Variants in SDK1 observed in about 807,000 individuals in gnomAD.
The protein encoded by SDK1 is protein sidekick-1.
Under a neutral mutation model 245.5 loss-of-function variants are expected in SDK1, and 157 were observed. The observed-to-expected ratio is 0.64, with a 90% CI of 0.56 to 0.73. The LOEUF (loss-of-function observed/expected upper bound fraction) is 0.73, where lower values mean the gene tolerates loss of function less well. SDK1 is among the 30% of genes least tolerant of loss of function. The pLI is 0.00. For synonymous variants in SDK1, 1,647 were observed against 1,278.5 expected (o/e 1.29, Z -6.15); for missense variants, 3,583 against 3,002.3 (o/e 1.19, Z -4.52).
intron 1 of SDK1, among the ~76,000 whole-genome samples, chr7:3,326,548 AG>A (rs1182073813): frequency 6.6e-6 from 1 of 152,108 alleles, no homozygotes; most frequent in Non-Finnish European, 1.5e-5. Flanking sequence ...TGGCTCATAC[AG>A]TATGTCTTGT....
chr7:4,256,486 G>A (rs888372497), intron 44 of SDK1, among the ~76,000 whole-genome samples: 70 of 152,218 alleles, frequency 4.6e-4, no homozygotes, highest in Admixed American at 4.4e-3. Context: ...AAAGCAGACC[G>A]AGGGTTGCTC....
intron 1 of SDK1, among the ~76,000 whole-genome samples, chr7:3,580,144 G>C (rs1409515328): frequency 6.6e-6 from 1 of 152,166 alleles, no homozygotes; most frequent in Non-Finnish European, 1.5e-5. Context: ...AATCAGAGAT[G>C]ACACAAACAA....
intron 4 of SDK1, among the ~76,000 whole-genome samples, chr7:3,750,315 C>T (rs557257118): frequency 2.6e-5 from 4 of 152,260 alleles, no homozygotes; most frequent in South Asian, 2.1e-4. Flanking sequence ...GGAAACTAAA[C>T]CATTTAATTT....
At chr7:3,563,173 C>T (rs1779803779) in intron 1 of SDK1, among the ~76,000 whole-genome samples, 1 of 150,826 alleles carries the variant, frequency 6.6e-6, no homozygotes, top group Non-Finnish European at 1.5e-5. Flanking sequence ...TTGGATCTAG[C>T]CAATCAAAAA....
chr7:3,646,509 G>A (rs1782841181), intron 4 of SDK1, among the ~76,000 whole-genome samples: 1 of 152,098 alleles, frequency 6.6e-6, no homozygotes, highest in Non-Finnish European at 1.5e-5. Context: ...TTATCAGAAT[G>A]GAAGATTATG....
intron 1 of SDK1, among the ~76,000 whole-genome samples, chr7:3,458,987 A>G (rs1202612611): frequency 6.6e-6 from 1 of 152,138 alleles, no homozygotes; most frequent in Admixed American, 6.5e-5. Context: ...TAAAGTTTCC[A>G]TGTAAACTTG....
At chr7:3,597,358 C>T (rs1388567285) in intron 1 of SDK1, among the ~76,000 whole-genome samples, 1 of 151,712 alleles carries the variant, frequency 6.6e-6, no homozygotes, top group African/African-American at 2.4e-5. Flanking sequence ...AACTTCTCCC[C>T]TTTTGGTCAA....
chr7:3,466,913 C>G (rs978975856), intron 1 of SDK1, among the ~76,000 whole-genome samples: 1 of 150,076 alleles, frequency 6.7e-6, no homozygotes, highest in African/African-American at 2.5e-5. Flanking sequence ...TATTTACAAA[C>G]CATCCAATTC....
In SDK1 at chr7:4,237,669, C is replaced by T. The variant is rs769262499; in HGVS notation, c.6015C>T (p.Tyr2005=). 22 of 1,614,056 alleles carry T rather than the reference C, an allele frequency of 1.4e-5. No homozygotes were observed. The Admixed American group carries it at 2.5e-4, about 18-fold the overall frequency. ...CAGCTCAAGTGGAAGCCCCATTCTA[C>T]GAGGAGTGGTGGTTCCTCCTGGTGA... ...AVSAQVEAPF[Y]EEWWFLLVMA... is the part of the protein sequence containing the mutation. Residue 2005 remains tyrosine, a synonymous_variant, in exon 42 of 45, where the codon TAC becomes TAT. Coordinates refer to ENST00000404826, the MANE Select transcript of SDK1 (RefSeq NM_152744.4).
intron 40 of SDK1, among the ~76,000 whole-genome samples, chr7:4,229,401 T>C (rs560186490): frequency 1.3e-5 from 2 of 152,310 alleles, no homozygotes; most frequent in South Asian, 4.1e-4. Flanking sequence ...CGGTATGACA[T>C]TCCCCCTCAC....
At chr7:3,815,996 C>T (rs1779499537) in intron 4 of SDK1, among the ~76,000 whole-genome samples, 1 of 143,284 alleles carries the variant, frequency 7.0e-6, no homozygotes, top group African/African-American at 2.8e-5. Context: ...TGAATGACTA[C>T]TGGGTACATA....
At chr7:3,319,531 C>T (rs897024418) in intron 1 of SDK1, among the ~76,000 whole-genome samples, 1 of 150,842 alleles carries the variant, frequency 6.6e-6, no homozygotes, top group African/African-American at 2.5e-5. Context: ...CATGCTCTGG[C>T]TTCTTGGCCT....
chr7:3,354,230 C>T (rs1780735038), intron 1 of SDK1, among the ~76,000 whole-genome samples: 1 of 151,900 alleles, frequency 6.6e-6, no homozygotes, highest in African/African-American at 2.4e-5. Flanking sequence ...GATCTCCTGA[C>T]CTCATGATCT....
intron 4 of SDK1, among the ~76,000 whole-genome samples, chr7:3,750,483 G>A (rs903571909): frequency 6.6e-6 from 1 of 152,192 alleles, no homozygotes; most frequent in African/African-American, 2.4e-5. Context: ...CATTGCAATA[G>A]GTATAGGAAC....
chr7:3,603,362 C>A (rs1044073221), intron 1 of SDK1, among the ~76,000 whole-genome samples: 1 of 150,850 alleles, frequency 6.6e-6, no homozygotes, highest in Non-Finnish European at 1.5e-5. Flanking sequence ...TTTCCTTGAG[C>A]AGTGGTTTGT....
intron 16 of SDK1, among the ~76,000 whole-genome samples, chr7:4,015,376 G>T (rs548437999): frequency 6.6e-6 from 1 of 152,294 alleles, no homozygotes; most frequent in African/African-American, 2.4e-5. Flanking sequence ...ATGGTGCTTG[G>T]TGCCAGCATG....
rs530235942 is a variant in SDK1 at position 3,856,247 on chromosome 7, T to C, written c.847+34664T>C. Among the ~76,000 whole-genome samples the C allele has an allele frequency of 6.6e-5, 10 of 152,148 alleles. No homozygotes were observed. In the East Asian group the frequency reaches 1.4e-3, roughly 21 times the overall value. ...AATTTAAGGGTAGCTAGTAGAAGAA[T>C]AGAAACTGAATTCATGACTTCCAAA... On this transcript the variant is annotated intron_variant, in intron 5 of 44. Coordinates refer to ENST00000404826, the MANE Select transcript of SDK1 (RefSeq NM_152744.4).
rs189303549 is a variant in SDK1, at chr7:4,079,159, T to G, written c.3203-304T>G. ...TCCTCATTCAGCCAGCATCTGTTAATTACCTACGAAGTACAGAGATGCGTA... is the reference window on the plus strand; with the variant it reads ...TCCTCATTCAGCCAGCATCTGTTAAGTACCTACGAAGTACAGAGATGCGTA... On this transcript the variant is annotated intron_variant, in intron 21 of 44. Transcript: ENST00000404826. Among the ~76,000 whole-genome samples, 102 of 152,310 alleles carry G rather than the reference T, an allele frequency of 6.7e-4. 1 individual carries two copies. The highest frequency in any genetic ancestry group is 2.3e-3 in the African/African-American group (94 of 41,580).
chr7:3,767,549 C>G lies in SDK1; in HGVS notation c.714-53901C>G, dbSNP rs546068523. Among the ~76,000 whole-genome samples, 46 of 152,302 alleles carry G rather than the reference C, an allele frequency of 3.0e-4. 1 individual carries two copies. Among genetic ancestry groups the G allele is most frequent in the African/African-American group, 1.1e-3 (45 of 41,556 alleles). On this transcript the variant is annotated intron_variant, in intron 4 of 44. Coordinates refer to ENST00000404826, the MANE Select transcript of SDK1 (RefSeq NM_152744.4). ...TAGCTAACACTTACATAGGCTTACTCTATGCCAGGCACTGATCTGGTGTAA... is the reference window on the plus strand; with the variant it reads ...TAGCTAACACTTACATAGGCTTACTGTATGCCAGGCACTGATCTGGTGTAA...
Sources: allele counts gnomAD v4.1 joint callset (sites outside exome capture counted in the v4.1 genomes callset), GRCh38; gene constraint gnomAD v4.1.1; transcripts MANE v1.5; gene names NCBI Gene and HGNC (gene_info 2026-07-23, HGNC 2026-07-21).